The following NPIPB11 variants were observed in gnomAD, a reference collection of about 807,000 sequenced individuals.
NPIPB11 encodes the protein nuclear pore complex interacting protein family member B11, also known as nuclear pore complex-interacting protein family member B11.
Under a neutral mutation model 32.8 loss-of-function variants are expected in NPIPB11, and 17 were observed. That is an observed-to-expected ratio of 0.52 (90% CI 0.35 to 0.78). The LOEUF (loss-of-function observed/expected upper bound fraction) is 0.78, where lower values mean the gene tolerates loss of function less well. Among genes scored for constraint, NPIPB11 ranks in the 30% least tolerant of loss-of-function variants. The probability of loss-of-function intolerance (pLI) is 0.01; values close to 1 mark genes in which losing one functional copy is unlikely to be tolerated. For missense variants in NPIPB11, 537 were observed against 1,000.4 expected (o/e 0.54, Z 6.25); for synonymous variants, 209 against 398.4 (o/e 0.52, Z 5.66).
At chr16:29,405,998 G>A (rs1423337127), upstream of NPIPB11, among the ~76,000 whole-genome samples, 2 of 152,242 alleles carry the variant, frequency 1.3e-5, no homozygotes, top group Non-Finnish European at 2.9e-5. Context: ...GGAAGTCTCT[G>A]GTTAAATTAA....
At chr16:29,400,129 G>T (rs1202095284) in intron 2 of NPIPB11, among the ~76,000 whole-genome samples, 1 of 151,458 alleles carries the variant, frequency 6.6e-6, no homozygotes, top group African/African-American at 2.4e-5. Flanking sequence ...TGTAAAAGGA[G>T]AGACCAAGTA....
intron 5 of NPIPB11, among the ~76,000 whole-genome samples, chr16:29,389,110 G>A (rs560224442): frequency 4.6e-5 from 7 of 150,860 alleles, no homozygotes; most frequent in Non-Finnish European, 7.4e-5. Flanking sequence ...GATAAGAATC[G>A]CTTGAACCTG....
chr16:29,401,149 G>C (rs1459154687), intron 2 of NPIPB11, among the ~76,000 whole-genome samples: 1 of 152,138 alleles, frequency 6.6e-6, no homozygotes, highest in Non-Finnish European at 1.5e-5. Flanking sequence ...GGGAGCAATA[G>C]TTTACAACCT....
intron 3 of NPIPB11, among the ~76,000 whole-genome samples, chr16:29,393,064 C>A (rs1033878396): frequency 6.7e-6 from 1 of 150,124 alleles, no homozygotes; most frequent in Non-Finnish European, 1.5e-5. Flanking sequence ...GGAAAAAAGG[C>A]TCAAAAGACA....
At chr16:29,399,158 C>A (rs1417245611) in intron 2 of NPIPB11, among the ~76,000 whole-genome samples, 2 of 152,006 alleles carry the variant, frequency 1.3e-5, no homozygotes, top group African/African-American at 4.8e-5. Context: ...CCAGGACAGA[C>A]CCCCACTGTC....
chr16:29,406,141 A>G (rs969254188), upstream of NPIPB11, among the ~76,000 whole-genome samples: 1 of 152,274 alleles, frequency 6.6e-6, no homozygotes, highest in Non-Finnish European at 1.5e-5. Context: ...GGATTTTTTC[A>G]GCTGCATCCC....
At chr16:29,399,233 G>C (rs886856927) in intron 2 of NPIPB11, among the ~76,000 whole-genome samples, 1 of 152,122 alleles carries the variant, frequency 6.6e-6, no homozygotes, top group Admixed American at 6.5e-5. Context: ...ATCACACAGA[G>C]TGTGCCCAAA....
At chr16:29,397,463 G>A (rs1310788830) in intron 2 of NPIPB11, 35 of 1,170,726 alleles carry the variant, frequency 3.0e-5, no homozygotes, top group South Asian at 2.6e-4. Context: ...TGCCCACCTC[G>A]GCCCCCTAAA....
chr16:29,405,559 T>G (rs1283860911), upstream of NPIPB11, among the ~76,000 whole-genome samples: 1 of 152,182 alleles, frequency 6.6e-6, no homozygotes, highest in Non-Finnish European at 1.5e-5. Flanking sequence ...TAGTTGTTTT[T>G]CCTTTAAAAA....
chr16:29,390,177 G>C (rs1294372459), intron 4 of NPIPB11, 41 bp from the exon 5 acceptor site: 4 of 1,467,468 alleles, frequency 2.7e-6, no homozygotes, highest in African/African-American at 1.4e-5. Context: ...GAAACCTGAG[G>C]GCAAGAAGCT....
At chr16:29,397,373 A>G (rs562630645) in intron 2 of NPIPB11, among the ~76,000 whole-genome samples, 1 of 151,238 alleles carries the variant, frequency 6.6e-6, no homozygotes, top group African/African-American at 2.4e-5. Context: ...GGCCCGACTA[A>G]TCTTTTTTGG....
At chr16:29,397,842 G>C (rs1345774117) in intron 2 of NPIPB11, 1 of 259,104 alleles carries the variant, frequency 3.9e-6, no homozygotes, top group Non-Finnish European at 6.4e-6. Context: ...TGGGCACCTG[G>C]AGGAGGAGAA....
At chr16:29,401,713 C>T (rs1259200001) in intron 2 of NPIPB11, among the ~76,000 whole-genome samples, 1 of 152,116 alleles carries the variant, frequency 6.6e-6, no homozygotes, top group Non-Finnish European at 1.5e-5. Flanking sequence ...TGAAGTGTGT[C>T]ACCTCGAGGC....
intron 5 of NPIPB11, among the ~76,000 whole-genome samples, chr16:29,389,064 A>C (rs1474870362): frequency 6.6e-6 from 1 of 151,728 alleles, no homozygotes; most frequent in Admixed American, 6.6e-5. Flanking sequence ...GCATGGTGGC[A>C]TATGTCTGTA....
intron 2 of NPIPB11, among the ~76,000 whole-genome samples, chr16:29,401,620 G>A (rs4017129): frequency 4.6e-5 from 7 of 152,048 alleles, no homozygotes; most frequent in African/African-American, 1.5e-4. Flanking sequence ...GGAGTCCACC[G>A]AGTATTTCAG....
intron 2 of NPIPB11, among the ~76,000 whole-genome samples, chr16:29,401,471 G>A (rs1376549456): frequency 1.3e-5 from 2 of 151,998 alleles, no homozygotes; most frequent in Non-Finnish European, 2.9e-5. Flanking sequence ...GTGCAGCTCT[G>A]GGACAAACTC....
At chr16:29,397,149 C>G (rs1038743774) in intron 2 of NPIPB11, among the ~76,000 whole-genome samples, 1 of 140,692 alleles carries the variant, frequency 7.1e-6, no homozygotes, top group South Asian at 2.3e-4. Context: ...CCAGCCTGGG[C>G]GACAGAGTGA....
chr16:29,397,648 G>A, intron 2 of NPIPB11: 1 of 1,422,568 alleles, frequency 7.0e-7, no homozygotes, highest in Non-Finnish European at 9.6e-7. Flanking sequence ...CGCATGTCCT[G>A]GTCCTTTCAG....
chr16:29,400,026 G>A (rs1206051402), intron 2 of NPIPB11, among the ~76,000 whole-genome samples: 2 of 151,916 alleles, frequency 1.3e-5, no homozygotes, highest in Non-Finnish European at 2.9e-5. Flanking sequence ...GCAGTGAGCC[G>A]AGATCGTGCC....
Sources: allele counts gnomAD v4.1 joint callset (sites outside exome capture counted in the v4.1 genomes callset), GRCh38; gene constraint gnomAD v4.1.1; transcripts MANE v1.5; gene names NCBI Gene and HGNC (gene_info 2026-07-23, HGNC 2026-07-21).